CDH12: variants seen among roughly 807,000 people sequenced by gnomAD.
CDH12 encodes cadherin-12.
A neutral mutation model predicts 74.1 loss-of-function variants in CDH12; 41 were observed. The observed-to-expected ratio is 0.55, with a 90% CI of 0.43 to 0.72. The LOEUF is 0.72. CDH12 is among the 30% of genes least tolerant of loss of function. The pLI is 0.00. For synonymous variants in CDH12, 399 were observed against 355.0 expected (o/e 1.12, Z -1.39); for missense variants, 945 against 977.2 (o/e 0.97, Z 0.44).
rs190144107 is a variant in CDH12, at chr5:22,050,018, G to A, written c.231+28428C>T. On this transcript the variant is annotated intron_variant, in intron 5 of 14. Transcript: ENST00000382254. ...TTTCCATGCACAGAATTTTGCTCAT[G>A]AGCTGGTGCATTTCAAACACTTTCA... Among the ~76,000 whole-genome samples the A allele has an allele frequency of 4.0e-3, 610 of 152,128 alleles. 8 individuals are homozygous for A. The highest frequency in any genetic ancestry group is 0.014 in the Middle Eastern group (4 of 292).
chr5:21,993,552 C>T (rs11956481), intron 5 of CDH12, among the ~76,000 whole-genome samples: 3,692 of 152,286 alleles, frequency 0.024, 97 homozygotes, highest in African/African-American at 0.062. Context: ...AAGCAACCTG[C>T]AGGAGTTGAA....
intron 1 of CDH12, among the ~76,000 whole-genome samples, chr5:22,671,443 C>T (rs1422850820): frequency 1.3e-5 from 2 of 151,796 alleles, no homozygotes; most frequent in Non-Finnish European, 2.9e-5. Flanking sequence ...ACTACTGGCA[C>T]TTGGAATAGG....
At chr5:21,909,321 A>T (rs897777428) in intron 6 of CDH12, among the ~76,000 whole-genome samples, 8 of 152,134 alleles carry the variant, frequency 5.3e-5, no homozygotes, top group African/African-American at 1.9e-4. Context: ...GCCCCATAGG[A>T]CATGCACTAG....
chr5:21,792,889 G>T (rs1746583016), intron 10 of CDH12, among the ~76,000 whole-genome samples: 1 of 151,712 alleles, frequency 6.6e-6, no homozygotes, highest in African/African-American at 2.4e-5. Context: ...GTACTTAACA[G>T]CTTTAAACAT....
chr5:22,366,652 A>G (rs1409422123), intron 3 of CDH12, among the ~76,000 whole-genome samples: 1 of 152,162 alleles, frequency 6.6e-6, no homozygotes, highest in African/African-American at 2.4e-5. Flanking sequence ...GATGCATAGT[A>G]GTTTTTGTTA....
At chr5:22,380,036 G>A (rs1741694856) in intron 3 of CDH12, among the ~76,000 whole-genome samples, 1 of 152,138 alleles carries the variant, frequency 6.6e-6, no homozygotes. Flanking sequence ...TAGCATTACA[G>A]GCATGAACCA....
intron 5 of CDH12, among the ~76,000 whole-genome samples, chr5:21,980,540 C>T (rs1257494435): frequency 1.3e-5 from 2 of 152,026 alleles, no homozygotes; most frequent in African/African-American, 2.4e-5. Flanking sequence ...CTCTGTGCTC[C>T]AAACTTCTTT....
chr5:22,802,374 C>T (rs543275041), intron 1 of CDH12, among the ~76,000 whole-genome samples: 64 of 152,238 alleles, frequency 4.2e-4, no homozygotes, highest in African/African-American at 1.5e-3. Flanking sequence ...CCCGCCTCAG[C>T]CTCCCAAAGT....
intron 9 of CDH12, among the ~76,000 whole-genome samples, chr5:21,805,185 T>C (rs1274883761): frequency 6.6e-6 from 1 of 152,010 alleles, no homozygotes; most frequent in East Asian, 1.9e-4. Flanking sequence ...TCATTCCCCA[T>C]TTCCCTCTCT....
At chr5:22,696,370 C>A (rs75521620) in intron 1 of CDH12, among the ~76,000 whole-genome samples, 806 of 95,984 alleles carry the variant, frequency 8.4e-3, no homozygotes, top group Middle Eastern at 0.026. Context: ...GACTCCGTCT[C>A]AAAAAAAAAA....
chr5:22,032,545 T>C (rs1171795313), intron 5 of CDH12, among the ~76,000 whole-genome samples: 1 of 151,810 alleles, frequency 6.6e-6, no homozygotes, highest in Non-Finnish European at 1.5e-5. Flanking sequence ...ACCCCATCTC[T>C]ACTAAAAATA....
chr5:21,814,924 AAAAC>A, intron 9 of CDH12, among the ~76,000 whole-genome samples: 1 of 151,968 alleles, frequency 6.6e-6, no homozygotes, highest in Admixed American at 6.6e-5. Flanking sequence ...GAAAAAGAGA[AAAAC>A]AAACTAAATA....
intron 5 of CDH12, among the ~76,000 whole-genome samples, chr5:22,054,149 A>T (rs1301735595): frequency 6.6e-6 from 1 of 152,042 alleles, no homozygotes; most frequent in African/African-American, 2.4e-5. Flanking sequence ...TTGATTTTTA[A>T]GCTATAATAT....
intron 6 of CDH12, among the ~76,000 whole-genome samples, chr5:21,967,857 C>T (rs547091643): frequency 6.6e-6 from 1 of 152,220 alleles, no homozygotes; most frequent in African/African-American, 2.4e-5. Flanking sequence ...CACTTCACGG[C>T]TGGCACAGGA....
chr5:22,124,588 T>C (rs890849166), intron 4 of CDH12, among the ~76,000 whole-genome samples: 9 of 152,218 alleles, frequency 5.9e-5, no homozygotes, highest in Admixed American at 5.2e-4. Context: ...ATGTGGTCTT[T>C]GGAAGCAGGT....
chr5:22,456,107 T>TTATATATATATA (rs36020133), intron 2 of CDH12, among the ~76,000 whole-genome samples: 2 of 147,814 alleles, frequency 1.4e-5, no homozygotes, highest in African/African-American at 5.0e-5. Context: ...CATGTGGATA[T>TTATATATATATA]TATATATATA....
At chr5:21,937,291 A>G (rs1345740818) in intron 6 of CDH12, among the ~76,000 whole-genome samples, 1 of 152,210 alleles carries the variant, frequency 6.6e-6, no homozygotes. Flanking sequence ...AAGTGTTTTA[A>G]GAAAGAGAAT....
chr5:22,370,192 AT>A (rs1561351264), intron 3 of CDH12, among the ~76,000 whole-genome samples: 1 of 152,154 alleles, frequency 6.6e-6, no homozygotes. Flanking sequence ...ATTTTTAGAG[AT>A]CCCTCCACTC....
intron 3 of CDH12, among the ~76,000 whole-genome samples, chr5:22,387,209 A>C (rs1243937441): frequency 6.6e-6 from 1 of 152,080 alleles, no homozygotes; most frequent in Non-Finnish European, 1.5e-5. Flanking sequence ...TTGAGCAAAA[A>C]TGCCTTTAAA....
Sources: allele counts gnomAD v4.1 joint callset (sites outside exome capture counted in the v4.1 genomes callset), GRCh38; gene constraint gnomAD v4.1.1; transcripts MANE v1.5; gene names NCBI Gene and HGNC (gene_info 2026-07-23, HGNC 2026-07-21).